RANBP2: variants seen among roughly 807,000 people sequenced by gnomAD.
The protein encoded by RANBP2 is RAN binding protein 2.
In RANBP2, 57 loss-of-function variants were observed where a neutral mutation model predicts 303.6. The ratio of observed to expected loss-of-function variants is 0.19; its 90% CI spans 0.15 to 0.23. The LOEUF is 0.23. RANBP2 is among the 10% of genes least tolerant of loss of function. The probability of loss-of-function intolerance (pLI) is 1.00; values close to 1 mark genes in which losing one functional copy is unlikely to be tolerated. For missense variants in RANBP2, 3,138 were observed against 3,780.8 expected (o/e 0.83, Z 4.46); for synonymous variants, 1,167 against 1,301.5 (o/e 0.90, Z 2.23).
the RANBP2 span, among the ~76,000 whole-genome samples, chr2:109,451,540 C>G: frequency 6.6e-6 from 1 of 151,350 alleles, no homozygotes; most frequent in African/African-American, 2.4e-5. Context: ...GACATTACGT[C>G]CTGTACGAAT....
At chr2:109,296,085 G>A in the RANBP2 span, among the ~76,000 whole-genome samples, 11 of 152,110 alleles carry the variant, frequency 7.2e-5, no homozygotes, top group East Asian at 2.1e-3. Flanking sequence ...AGCCAGGTTG[G>A]CCCCCCAGAA....
At chr2:109,336,241 G>T in the RANBP2 span, among the ~76,000 whole-genome samples, 34 of 152,332 alleles carry the variant, frequency 2.2e-4, no homozygotes, top group African/African-American at 7.5e-4. Flanking sequence ...TGGGGAAGAG[G>T]TGTCATGCTG....
the RANBP2 span, among the ~76,000 whole-genome samples, chr2:109,713,813 T>C: frequency 6.6e-6 from 1 of 152,244 alleles, no homozygotes; most frequent in African/African-American, 2.4e-5. Flanking sequence ...ATTGATCGAA[T>C]GATCGAAAGC....
chr2:108,831,387 A>G, the RANBP2 span, among the ~76,000 whole-genome samples: 2 of 152,214 alleles, frequency 1.3e-5, no homozygotes, highest in Admixed American at 1.3e-4. Context: ...AATATGCCAA[A>G]TCTTTTGAAA....
At chr2:109,234,941 A>C in the RANBP2 span, among the ~76,000 whole-genome samples, 1 of 152,218 alleles carries the variant, frequency 6.6e-6, no homozygotes, top group African/African-American at 2.4e-5. Flanking sequence ...TTGTTGTATG[A>C]GTGTCCTAAC....
chr2:109,414,729 G>T, the RANBP2 span, among the ~76,000 whole-genome samples: 4 of 152,160 alleles, frequency 2.6e-5, no homozygotes, highest in African/African-American at 9.7e-5. Flanking sequence ...CAAACACTGC[G>T]TGTCCAGCAC....
At chr2:108,910,810 T>G in the RANBP2 span, 1 of 1,613,884 alleles carries the variant, frequency 6.2e-7, no homozygotes, top group Non-Finnish European at 8.5e-7. Context: ...CCTTGCTCAC[T>G]TGGGCCTCCA....
chr2:109,289,074 T>C, the RANBP2 span, among the ~76,000 whole-genome samples: 2 of 152,242 alleles, frequency 1.3e-5, no homozygotes. Context: ...TGCTAAATTA[T>C]AACTGAGGAG....
chr2:109,692,526 T>G, the RANBP2 span, among the ~76,000 whole-genome samples: 3 of 152,324 alleles, frequency 2.0e-5, no homozygotes, highest in Admixed American at 6.5e-5. Flanking sequence ...AGAGGCCGTC[T>G]GCTTCTCTCC....
At chr2:109,404,000 A>G in the RANBP2 span, among the ~76,000 whole-genome samples, 1 of 152,132 alleles carries the variant, frequency 6.6e-6, no homozygotes, top group Non-Finnish European at 1.5e-5. Flanking sequence ...GAATCAGGGA[A>G]TGAATCACCA....
the RANBP2 span, among the ~76,000 whole-genome samples, chr2:108,849,757 G>T: frequency 6.6e-6 from 1 of 152,226 alleles, no homozygotes; most frequent in African/African-American, 2.4e-5. Flanking sequence ...GCCTCTCCCA[G>T]CCTAGGCACA....
chr2:109,452,291 C>T, the RANBP2 span, among the ~76,000 whole-genome samples: 8 of 152,188 alleles, frequency 5.3e-5, no homozygotes, highest in African/African-American at 1.9e-4. Context: ...AGCCCCACCC[C>T]TCCATGACTA....
chr2:109,235,231 G>A, the RANBP2 span, among the ~76,000 whole-genome samples: 4 of 152,314 alleles, frequency 2.6e-5, no homozygotes, highest in Admixed American at 6.5e-5. Flanking sequence ...ATGTAAAATA[G>A]ATCAACCCTG....
chr2:109,618,292 T>G, the RANBP2 span: 1 of 166,602 alleles, frequency 6.0e-6, no homozygotes, highest in Non-Finnish European at 1.5e-5. Flanking sequence ...CATAGACATG[T>G]AAAGCTGAAG....
At chr2:109,688,099 C>G in the RANBP2 span, among the ~76,000 whole-genome samples, 1 of 152,094 alleles carries the variant, frequency 6.6e-6, no homozygotes, top group African/African-American at 2.4e-5. Context: ...CAATGCCTGG[C>G]TGGGAAACTG....
intron 1 of RANBP2, among the ~76,000 whole-genome samples, chr2:108,721,591 C>G (rs917377316): frequency 3.9e-5 from 6 of 152,084 alleles, no homozygotes; most frequent in Non-Finnish European, 8.8e-5. Context: ...CAGGTGTACC[C>G]ACCACACCCG....
At chr2:109,417,259 C>G in the RANBP2 span, among the ~76,000 whole-genome samples, 1 of 152,130 alleles carries the variant, frequency 6.6e-6, no homozygotes, top group African/African-American at 2.4e-5. Context: ...TGTCTCTGCC[C>G]TCGTACTTGC....
chr2:108,956,857 C>T, the RANBP2 span, among the ~76,000 whole-genome samples: 5 of 151,914 alleles, frequency 3.3e-5, no homozygotes, highest in Non-Finnish European at 7.4e-5. Context: ...GGCACGATCT[C>T]AGCACACCGC....
the RANBP2 span, among the ~76,000 whole-genome samples, chr2:109,221,657 G>A: frequency 1.3e-5 from 2 of 151,668 alleles, no homozygotes; most frequent in Non-Finnish European, 2.9e-5. Flanking sequence ...AAACCTGTTG[G>A]CCATTTCTGT....
Sources: allele counts gnomAD v4.1 joint callset (sites outside exome capture counted in the v4.1 genomes callset), GRCh38; gene constraint gnomAD v4.1.1; transcripts MANE v1.5; gene names NCBI Gene and HGNC (gene_info 2026-07-23, HGNC 2026-07-21).